EDIL3: variants seen among roughly 807,000 people sequenced by gnomAD.
EDIL3 encodes EGF like and discoidin domains 3.
Under a neutral mutation model 67.4 loss-of-function variants are expected in EDIL3, and 37 were observed. That is an observed-to-expected ratio of 0.55 (90% CI 0.42 to 0.72). The LOEUF (loss-of-function observed/expected upper bound fraction) is 0.72. Ranked by LOEUF, EDIL3 falls within the 30% of genes least tolerant of loss-of-function variation. EDIL3 has a pLI of 0.00. For missense variants in EDIL3, 527 were observed against 586.3 expected, an observed-to-expected ratio of 0.90 and a Z score of 1.04; for synonymous variants, 195 against 196.3, an observed-to-expected ratio of 0.99 and a Z score of 0.05.
intron 1 of EDIL3, among the ~76,000 whole-genome samples, chr5:84,329,757 T>C (rs1746834437): frequency 6.6e-6 from 1 of 152,100 alleles, no homozygotes; most frequent in African/African-American, 2.4e-5. Flanking sequence ...CTTAAAATAA[T>C]AATGAACAAG....
chr5:84,025,548 T>G (rs1455015164), intron 9 of EDIL3, among the ~76,000 whole-genome samples: 1 of 152,140 alleles, frequency 6.6e-6, no homozygotes, highest in Non-Finnish European at 1.5e-5. Context: ...ATAAATGTAA[T>G]GCACTTGAAT....
chr5:84,162,868 G>A (rs1029075751), intron 4 of EDIL3, among the ~76,000 whole-genome samples: 2 of 152,096 alleles, frequency 1.3e-5, no homozygotes, highest in African/African-American at 4.8e-5. Context: ...GGCCTCCCAA[G>A]AAAGGCACTG....
chr5:84,158,479 A>G (rs1294913532), intron 4 of EDIL3, among the ~76,000 whole-genome samples: 1 of 152,078 alleles, frequency 6.6e-6, no homozygotes, highest in African/African-American at 2.4e-5. Flanking sequence ...AATAGAATAC[A>G]TCAAAGATGA....
chr5:84,172,559 G>A (rs1165311220), intron 4 of EDIL3, among the ~76,000 whole-genome samples: 2 of 151,928 alleles, frequency 1.3e-5, no homozygotes, highest in South Asian at 2.1e-4. Flanking sequence ...TCCAGACTGG[G>A]TGACAGAGTG....
chr5:84,103,218 T>C (rs2112279798), intron 6 of EDIL3, among the ~76,000 whole-genome samples: 1 of 152,074 alleles, frequency 6.6e-6, no homozygotes, highest in East Asian at 1.9e-4. Context: ...ACAAATCAAC[T>C]CAAGATGGAT....
chr5:83,944,804 C>T (rs1238045507), intron 10 of EDIL3, among the ~76,000 whole-genome samples: 1 of 151,776 alleles, frequency 6.6e-6, no homozygotes, highest in East Asian at 1.9e-4. Context: ...TCTTGTTTGA[C>T]ATCAAATTTC....
intron 10 of EDIL3, 142 bp from the exon 11 acceptor site, chr5:83,943,710 C>A: frequency 1.1e-6 from 1 of 881,070 alleles, no homozygotes; most frequent in Non-Finnish European, 1.6e-6. Context: ...ATTGCAGCTT[C>A]TTTTTAATAA....
At position 84,248,830 on chromosome 5, in the gene EDIL3, G is replaced by A. The variant is rs150309171; in HGVS notation, c.196+5254C>T. On this transcript the variant is annotated intron_variant, in intron 2 of 10. Coordinates refer to ENST00000296591, the MANE Select transcript of EDIL3 (RefSeq NM_005711.5). Reference sequence around the variant, plus strand: ...GTCTATGGTATCATCTAAATACTCAGTGACTCTCTCCTCTTCATCCCGTTA... The same window carrying A: ...GTCTATGGTATCATCTAAATACTCAATGACTCTCTCCTCTTCATCCCGTTA... Among the ~76,000 whole-genome samples, 524 of 152,166 alleles carry A rather than the reference G, an allele frequency of 3.4e-3. 1 individual carries two copies. The highest frequency in any genetic ancestry group is 0.011 in the African/African-American group (461 of 41,530).
chr5:84,145,634 T>C (rs951091391), intron 4 of EDIL3, among the ~76,000 whole-genome samples: 26 of 152,210 alleles, frequency 1.7e-4, no homozygotes, highest in Admixed American at 1.4e-3. Flanking sequence ...TCCATATCAC[T>C]CAGACTAGGT....
intron 3 of EDIL3, among the ~76,000 whole-genome samples, chr5:84,211,464 A>G (rs1744115932): frequency 6.6e-6 from 1 of 152,166 alleles, no homozygotes; most frequent in Non-Finnish European, 1.5e-5. Context: ...AGCTTCAGGT[A>G]TTTCTTTACA....
At chr5:84,155,911 C>T (rs1748482220) in intron 4 of EDIL3, among the ~76,000 whole-genome samples, 1 of 152,096 alleles carries the variant, frequency 6.6e-6, no homozygotes, top group Non-Finnish European at 1.5e-5. Context: ...ACCTTGATTG[C>T]CTACTTACAC....
intron 4 of EDIL3, among the ~76,000 whole-genome samples, chr5:84,164,718 A>G (rs1016734739): frequency 6.6e-6 from 1 of 152,136 alleles, no homozygotes; most frequent in Non-Finnish European, 1.5e-5. Flanking sequence ...CATGCAAATC[A>G]CAATTCTAGG....
rs562238807 is a variant in EDIL3, at chr5:84,206,676, C to T, written c.226+23179G>A. Among the ~76,000 whole-genome samples the T allele has an allele frequency of 2.2e-4, 33 of 152,156 alleles. No homozygotes were observed. In the South Asian group the frequency reaches 3.7e-3, roughly 17 times the overall value. ...AATACTGGCAAACCGAATCCAGCAG[C>T]ACATCAAAAAGTTTATCCACCATGA... On this transcript the variant is annotated intron_variant, in intron 3 of 10. Transcript: ENST00000296591.
At chr5:84,376,077 A>G (rs751876004) in intron 1 of EDIL3, among the ~76,000 whole-genome samples, 1 of 152,206 alleles carries the variant, frequency 6.6e-6, no homozygotes, top group Non-Finnish European at 1.5e-5. Flanking sequence ...AGTTAAGAGG[A>G]CAAGCTCTAG....
Position 83,965,740 on chromosome 5 carries a change from C to T in EDIL3, c.1138-2380G>A, listed in dbSNP as rs918383. ...TTCCAACAGATACGTTTTTCTCCCACTCTAACGGCTCCCCTTCTGCAACAT... is the reference window on the plus strand; with the variant it reads ...TTCCAACAGATACGTTTTTCTCCCATTCTAACGGCTCCCCTTCTGCAACAT... On this transcript the variant is annotated intron_variant, in intron 9 of 10. Transcript: ENST00000296591. 9.5e-3 allele frequency among the ~76,000 whole-genome samples: 1,438 copies of T among 152,150 alleles called. 41 individuals carry two copies. The highest frequency in any genetic ancestry group is 0.087 in the East Asian group (448 of 5,146).
At chr5:84,246,976 A>T (rs551627705) in intron 2 of EDIL3, among the ~76,000 whole-genome samples, 23 of 152,206 alleles carry the variant, frequency 1.5e-4, no homozygotes, top group Admixed American at 1.3e-4. Context: ...CTGCACAATT[A>T]TATTTGTTTG....
At chr5:84,227,103 G>T (rs79374525) in intron 3 of EDIL3, among the ~76,000 whole-genome samples, 44 of 152,034 alleles carry the variant, frequency 2.9e-4, no homozygotes, top group African/African-American at 9.9e-4. Context: ...AAAATGAATT[G>T]GGCTAGAAAA....
chr5:84,281,055 T>A (rs1320867569), intron 1 of EDIL3, among the ~76,000 whole-genome samples: 2 of 151,996 alleles, frequency 1.3e-5, no homozygotes, highest in Non-Finnish European at 2.9e-5. Flanking sequence ...AGAACAGTGG[T>A]TGGCACATAT....
At chr5:84,245,798 A>G (rs1340322108) in intron 2 of EDIL3, among the ~76,000 whole-genome samples, 1 of 152,018 alleles carries the variant, frequency 6.6e-6, no homozygotes, top group Non-Finnish European at 1.5e-5. Context: ...TCATAAGTGT[A>G]TAGAATTATA....
Sources: gnomAD v4.1 joint callset for allele counts (sites outside exome capture counted in the v4.1 genomes callset) on GRCh38, gnomAD v4.1.1 for gene constraint, MANE v1.5 for transcripts, NCBI Gene and HGNC (gene_info 2026-07-23, HGNC 2026-07-21) for gene names.